The following GARRE1 variants were observed in gnomAD, a reference collection of about 807,000 sequenced individuals.
The protein encoded by GARRE1 is granule associated Rac and RHOG effector 1.
In GARRE1, 49 loss-of-function variants were observed where a neutral mutation model predicts 103.2. The observed-to-expected ratio is 0.47, with a 90% confidence interval of 0.38 to 0.60. GARRE1 has a LOEUF of 0.60. GARRE1 is among the 20% of genes least tolerant of loss of function. The pLI is 0.00. For missense variants in GARRE1, 1,199 were observed against 1,370.5 expected (o/e 0.87, Z 1.98); for synonymous variants, 505 against 532.8 (o/e 0.95, Z 0.72).
chr19:34,340,798 G>A (rs777234099), intron 9 of GARRE1, among the ~76,000 whole-genome samples: 16 of 152,276 alleles, frequency 1.1e-4, no homozygotes, highest in East Asian at 3.9e-4. Flanking sequence ...GATTACAGGC[G>A]TGAGCCACCA....
Position 34,352,760 on chromosome 19 carries a change from C to CCTG in GARRE1, c.3019_3020insTGC (p.Ser1006_Gln1007insLeu). 6.2e-7 allele frequency: 1 copy of CCTG among 1,614,138 alleles called. No individual in the cohort carries two copies. The highest frequency in any genetic ancestry group is 8.5e-7 in the Non-Finnish European group (1 of 1,180,026). On this transcript the variant is annotated inframe_insertion, in exon 14 of 14. Transcript: ENST00000299505. The stretch of plus-strand genomic sequence containing the variant: ...TCTATGCAGTCACCAGCCCTGGCAG[C>CCTG]CAGTGGAACGACACCATGCAGATGC...
chr19:34,335,917 C>T (rs2074159110), intron 8 of GARRE1, among the ~76,000 whole-genome samples: 1 of 152,112 alleles, frequency 6.6e-6, no homozygotes. Flanking sequence ...TGGCAGTTCA[C>T]TTTGTGTCCT....
intron 6 of GARRE1, among the ~76,000 whole-genome samples, chr19:34,328,968 A>G (rs1192235965): frequency 2.6e-5 from 4 of 152,198 alleles, no homozygotes; most frequent in Admixed American, 2.0e-4. Flanking sequence ...AAAGTACACT[A>G]TAAGATATTG....
chr19:34,258,744 C>G (rs66529158), intron 1 of GARRE1, among the ~76,000 whole-genome samples: 1 of 151,400 alleles, frequency 6.6e-6, no homozygotes, highest in Non-Finnish European at 1.5e-5. Context: ...GAGCTGAGAT[C>G]GTGCCACTGC....
intron 1 of GARRE1, among the ~76,000 whole-genome samples, chr19:34,261,331 G>A (rs2073717323): frequency 6.6e-6 from 1 of 152,126 alleles, no homozygotes; most frequent in Non-Finnish European, 1.5e-5. Flanking sequence ...CGGCACCTGT[G>A]ATAAGTATTC....
chr19:34,340,020 CAT>C (rs759754898), intron 9 of GARRE1, 28 bp downstream of exon 9: 1 of 1,613,048 alleles, frequency 6.2e-7, no homozygotes, highest in South Asian at 1.1e-5. Flanking sequence ...GCATTAGATG[CAT>C]ACCGAGGGAC....
At chr19:34,304,186 GT>G (rs1341794789) in intron 2 of GARRE1, among the ~76,000 whole-genome samples, 1 of 151,858 alleles carries the variant, frequency 6.6e-6, no homozygotes, top group Non-Finnish European at 1.5e-5. Context: ...TGCCTCCTGG[GT>G]TGAAGCAATT....
chr19:34,326,717 G>A (rs1240225551), intron 3 of GARRE1, among the ~76,000 whole-genome samples: 1 of 151,100 alleles, frequency 6.6e-6, no homozygotes, highest in Non-Finnish European at 1.5e-5. Context: ...GAAACTCCAA[G>A]TACCAATATT....
At chr19:34,321,913 G>A (rs1002143824) in intron 3 of GARRE1, among the ~76,000 whole-genome samples, 1 of 152,178 alleles carries the variant, frequency 6.6e-6, no homozygotes, top group Non-Finnish European at 1.5e-5. Flanking sequence ...GTGTGGGATG[G>A]TATGGCATGG....
intron 11 of GARRE1, chr19:34,348,287 A>T: frequency 2.9e-6 from 1 of 349,926 alleles, no homozygotes; most frequent in East Asian, 4.3e-5. Flanking sequence ...GATTTTCAAA[A>T]CAGACTCTTC....
At chr19:34,275,598 TAC>T (rs2073812371) in intron 1 of GARRE1, among the ~76,000 whole-genome samples, 1 of 152,250 alleles carries the variant, frequency 6.6e-6, no homozygotes, top group East Asian at 1.9e-4. Flanking sequence ...TGTACAGTTA[TAC>T]TACATTTTGT....
chr19:34,315,250 T>G (rs1033293932), intron 2 of GARRE1, among the ~76,000 whole-genome samples: 5 of 152,222 alleles, frequency 3.3e-5, no homozygotes, highest in Non-Finnish European at 7.3e-5. Context: ...CACCATGTTT[T>G]GGGAAATGGG....
intron 1 of GARRE1, among the ~76,000 whole-genome samples, chr19:34,284,739 G>A (rs1219106356): frequency 6.6e-6 from 1 of 152,130 alleles, no homozygotes; most frequent in African/African-American, 2.4e-5. Flanking sequence ...AATGGTGAAT[G>A]TTTTCCCAGT....
At chr19:34,273,162 A>G (rs772500389) in intron 1 of GARRE1, among the ~76,000 whole-genome samples, 89 of 152,342 alleles carry the variant, frequency 5.8e-4, no homozygotes, top group Non-Finnish European at 1.2e-3. Flanking sequence ...AGATTGTGCC[A>G]CTGTACTCCA....
chr19:34,319,054 G>GT (rs1448056593), intron 2 of GARRE1, among the ~76,000 whole-genome samples: 1 of 152,068 alleles, frequency 6.6e-6, no homozygotes, highest in Non-Finnish European at 1.5e-5. Context: ...AGAACACATT[G>GT]TAACTGTGGT....
At chr19:34,286,127 C>A (rs988284728) in intron 1 of GARRE1, among the ~76,000 whole-genome samples, 3 of 152,126 alleles carry the variant, frequency 2.0e-5, no homozygotes, top group African/African-American at 7.2e-5. Flanking sequence ...AGCTTAACAG[C>A]CAGAGACTGG....
intron 1 of GARRE1, among the ~76,000 whole-genome samples, chr19:34,275,400 C>T (rs1237199447): frequency 6.6e-6 from 1 of 151,936 alleles, no homozygotes; most frequent in Non-Finnish European, 1.5e-5. Flanking sequence ...CTTATTTCCC[C>T]CATTCCACAC....
At chr19:34,324,183 C>G (rs1413771207) in intron 3 of GARRE1, among the ~76,000 whole-genome samples, 1 of 152,154 alleles carries the variant, frequency 6.6e-6, no homozygotes, top group Admixed American at 6.5e-5. Context: ...AAAGATGCTT[C>G]CCACAGAAAA....
At chr19:34,294,073 T>C (rs2073933677) in intron 1 of GARRE1, among the ~76,000 whole-genome samples, 1 of 152,012 alleles carries the variant, frequency 6.6e-6, no homozygotes, top group African/African-American at 2.4e-5. Context: ...CATAAACTTA[T>C]TTTTATAAAT....
Sources: gnomAD v4.1 joint callset for allele counts (sites outside exome capture counted in the v4.1 genomes callset) on GRCh38, gnomAD v4.1.1 for gene constraint, MANE v1.5 for transcripts, NCBI Gene and HGNC (gene_info 2026-07-23, HGNC 2026-07-21) for gene names.